The following IL1RAPL1 variants were observed in gnomAD, a reference collection of about 807,000 sequenced individuals.
IL1RAPL1 encodes the protein interleukin-1 receptor accessory protein-like 1.
A neutral mutation model predicts 48.4 loss-of-function variants in IL1RAPL1; 3 were observed. The ratio of observed to expected loss-of-function variants is 0.06; its 90% CI spans 0.03 to 0.16. The LOEUF (loss-of-function observed/expected upper bound fraction) is 0.16. IL1RAPL1 is among the 10% of genes least tolerant of loss of function. The pLI is 1.00. For synonymous variants in IL1RAPL1, 185 were observed against 187.7 expected (o/e 0.99, Z 0.12); for missense variants, 349 against 530.6 (o/e 0.66, Z 3.36).
chrX:29,571,208 T>C (rs1375329090), intron 5 of IL1RAPL1, among the ~76,000 whole-genome samples: 1 of 108,508 alleles, frequency 9.2e-6, no homozygotes, highest in African/African-American at 3.5e-5. Context: ...GGTGACAGAG[T>C]GAAGACTCCG....
At chrX:29,032,770 CAT>C (rs1477572449) in intron 2 of IL1RAPL1, among the ~76,000 whole-genome samples, 97 of 105,001 alleles carry the variant, frequency 9.2e-4, no homozygotes, top group Non-Finnish European at 1.1e-3. Flanking sequence ...CACACACACA[CAT>C]ACAGAGACAC....
intron 5 of IL1RAPL1, among the ~76,000 whole-genome samples, chrX:29,529,595 G>C (rs1380492538): frequency 2.1e-4 from 12 of 56,335 alleles, no homozygotes; most frequent in Non-Finnish European, 4.0e-4. Context: ...GAGTGCCTCT[G>C]TCTCAAAAAA....
chrX:29,879,351 T>TTA (rs759277494), intron 6 of IL1RAPL1, among the ~76,000 whole-genome samples: 72 of 88,689 alleles, frequency 8.1e-4, no homozygotes, highest in African/African-American at 1.9e-3. Flanking sequence ...GGTGGTAGTT[T>TTA]TATATATGTG....
intron 5 of IL1RAPL1, among the ~76,000 whole-genome samples, chrX:29,632,339 C>T (rs1003213091): frequency 9.1e-6 from 1 of 109,539 alleles, no homozygotes; most frequent in African/African-American, 3.3e-5. Context: ...TCAGTAGAGA[C>T]GGGGTTTCAC....
chrX:29,674,491 A>G (rs1926222300), intron 6 of IL1RAPL1, among the ~76,000 whole-genome samples: 1 of 112,172 alleles, frequency 8.9e-6, no homozygotes, highest in Non-Finnish European at 1.9e-5. Context: ...ATCCCATAAA[A>G]AAGATGGACG....
intron 1 of IL1RAPL1, among the ~76,000 whole-genome samples, chrX:28,738,206 A>C (rs1393278678): frequency 9.0e-6 from 1 of 111,661 alleles, no homozygotes; most frequent in Non-Finnish European, 1.9e-5. Flanking sequence ...ACATTATTGA[A>C]AACTAGTTTA....
intron 2 of IL1RAPL1, among the ~76,000 whole-genome samples, chrX:29,254,984 A>G (rs1486920584): frequency 9.0e-6 from 1 of 111,145 alleles, no homozygotes; most frequent in Non-Finnish European, 1.9e-5. Flanking sequence ...ATGAATTTGA[A>G]TTTTTTTAAG....
intron 6 of IL1RAPL1, among the ~76,000 whole-genome samples, chrX:29,802,642 G>A (rs963710269): frequency 1.3e-4 from 13 of 102,724 alleles, no homozygotes; most frequent in African/African-American, 3.5e-4. Context: ...TTGTTAACTG[G>A]CTGTGCTCTG....
At chrX:28,903,420 CTTTCTTTTTTTT>C (rs1923131348) in intron 2 of IL1RAPL1, among the ~76,000 whole-genome samples, 2 of 69,207 alleles carry the variant, frequency 2.9e-5, no homozygotes, top group South Asian at 1.8e-3. Context: ...TATTTTCTTT[CTTTCTTTTTTTT>C]TTTTTTTTGT....
At chrX:29,727,469 CT>C (rs1927803950) in intron 6 of IL1RAPL1, among the ~76,000 whole-genome samples, 1 of 112,004 alleles carries the variant, frequency 8.9e-6, no homozygotes, top group Admixed American at 9.5e-5. Context: ...ACAGGGTCCC[CT>C]AACACATCTA....
chrX:28,910,683 T>C (rs1366275935), intron 2 of IL1RAPL1, among the ~76,000 whole-genome samples: 1 of 109,827 alleles, frequency 9.1e-6, no homozygotes, highest in Non-Finnish European at 1.9e-5. Flanking sequence ...GATAGATGAC[T>C]AATATAGATA....
chrX:29,161,131 C>G, intron 2 of IL1RAPL1, among the ~76,000 whole-genome samples: 1 of 110,589 alleles, frequency 9.0e-6, no homozygotes, highest in Non-Finnish European at 1.9e-5. Flanking sequence ...TATGAGTATA[C>G]AGCAGGGATA....
intron 8 of IL1RAPL1, among the ~76,000 whole-genome samples, chrX:29,934,969 T>C (rs1453542620): frequency 8.9e-6 from 1 of 111,751 alleles, no homozygotes; most frequent in Non-Finnish European, 1.9e-5. Context: ...TTAGTCTCCT[T>C]TAATCTGGTA....
rs1236326754 is a variant in IL1RAPL1, at chrX:28,636,307, G to A, written c.-25+48260G>A. Among the ~76,000 whole-genome samples the A allele has an allele frequency of 2.7e-5, 3 of 111,361 alleles. No individual in the cohort carries two copies. The East Asian group carries it at 8.4e-4, about 31-fold the overall frequency. On this transcript the variant is annotated intron_variant, in intron 1 of 10. Transcript: ENST00000378993. ...CATTGATTGCCTACTATAATTCCAG[G>A]CAGAGTGAGCAAACCACCACAGAAC...
At chrX:28,838,706 T>C (rs189113068) in intron 2 of IL1RAPL1, among the ~76,000 whole-genome samples, 13 of 111,061 alleles carry the variant, frequency 1.2e-4, no homozygotes, top group Admixed American at 4.8e-4. Context: ...TGATAAACTA[T>C]TCCTCCTTGA....
At chrX:29,007,355 T>C (rs1190330941) in intron 2 of IL1RAPL1, among the ~76,000 whole-genome samples, 1 of 112,148 alleles carries the variant, frequency 8.9e-6, no homozygotes, top group African/African-American at 3.2e-5. Flanking sequence ...TGAGGACTTA[T>C]ATGATGTTCT....
At chrX:29,537,506 G>A (rs1170291173) in intron 5 of IL1RAPL1, among the ~76,000 whole-genome samples, 1 of 108,705 alleles carries the variant, frequency 9.2e-6, no homozygotes, top group Non-Finnish European at 1.9e-5. Context: ...AAGCATACAA[G>A]ATCTCAGCAC....
chrX:28,641,408 G>A (rs1934539651), intron 1 of IL1RAPL1, among the ~76,000 whole-genome samples: 1 of 111,260 alleles, frequency 9.0e-6, no homozygotes, highest in South Asian at 3.8e-4. Flanking sequence ...TCTTTTTTAT[G>A]GCTGCATAGT....
rs1019727453 is a variant in IL1RAPL1 at position 29,887,308 on chromosome X, A to T, written c.779-30156A>T. On this transcript the variant is annotated intron_variant, in intron 6 of 10. Coordinates refer to ENST00000378993, the MANE Select transcript of IL1RAPL1 (RefSeq NM_014271.4). ...ATTGTTCAACTGTTTTGTATAGAAC[A>T]TTTAACGTTAAGAAGCAATTTTGTG... Among the ~76,000 whole-genome samples the T allele has an allele frequency of 2.3e-4, 26 of 112,580 alleles. 1 individual carries two copies. The highest frequency in any genetic ancestry group is 7.1e-4 in the African/African-American group (22 of 31,113).
Sources: gnomAD v4.1 joint callset for allele counts (sites outside exome capture counted in the v4.1 genomes callset) on GRCh38, gnomAD v4.1.1 for gene constraint, MANE v1.5 for transcripts, NCBI Gene and HGNC (gene_info 2026-07-23, HGNC 2026-07-21) for gene names.